CSNK1G3: variants seen among roughly 807,000 people sequenced by gnomAD.
CSNK1G3 encodes casein kinase I isoform gamma-3.
Under a neutral mutation model 64.3 loss-of-function variants are expected in CSNK1G3, and 23 were observed. The observed-to-expected ratio is 0.36, with a 90% CI of 0.26 to 0.51. The LOEUF is 0.51. CSNK1G3 is among the 20% of genes least tolerant of loss of function. The probability of loss-of-function intolerance (pLI) is 0.96; values close to 1 mark genes in which losing one functional copy is unlikely to be tolerated. For missense variants in CSNK1G3, 357 were observed against 510.5 expected (o/e 0.70, Z 2.90); for synonymous variants, 158 against 162.2 (o/e 0.97, Z 0.20).
At chr5:123,572,059 T>C (rs77442454) in intron 4 of CSNK1G3, among the ~76,000 whole-genome samples, 34,361 of 152,160 alleles carry the variant, frequency 0.23, 4,139 homozygotes, top group African/African-American at 0.29. Flanking sequence ...GGCCTCAGTC[T>C]GAAGTTGGAC....
chr5:123,588,034 G>A (rs760276369), intron 6 of CSNK1G3, 34 bp from the exon 7 acceptor site: 1 of 1,378,438 alleles, frequency 7.3e-7, no homozygotes, highest in Admixed American at 2.2e-5. Flanking sequence ...AACTGTTAGA[G>A]AAAAGTGAAA....
At chr5:123,607,073 C>T (rs1430052863) in intron 12 of CSNK1G3, among the ~76,000 whole-genome samples, 1 of 152,030 alleles carries the variant, frequency 6.6e-6, no homozygotes, top group Non-Finnish European at 1.5e-5. Context: ...GTTTGGGTCC[C>T]TATCTGTAGA....
intron 4 of CSNK1G3, among the ~76,000 whole-genome samples, chr5:123,565,131 A>G (rs1018850223): frequency 6.6e-6 from 1 of 152,222 alleles, no homozygotes; most frequent in Non-Finnish European, 1.5e-5. Flanking sequence ...GAAAAGTAAC[A>G]TTGTTCTACA....
intron 10 of CSNK1G3, among the ~76,000 whole-genome samples, chr5:123,598,224 T>A (rs556575774): frequency 8.0e-4 from 122 of 152,262 alleles, no homozygotes; most frequent in African/African-American, 2.7e-3. Context: ...TTAGAATCAT[T>A]GGTAGTAATA....
intron 5 of CSNK1G3, among the ~76,000 whole-genome samples, chr5:123,574,400 C>A (rs767915336): frequency 7.9e-5 from 12 of 152,058 alleles, no homozygotes; most frequent in Non-Finnish European, 1.5e-4. Flanking sequence ...GTACTTAAAG[C>A]TTTATATGAA....
At chr5:123,575,507 A>G (rs1281529520) in intron 5 of CSNK1G3, among the ~76,000 whole-genome samples, 1 of 152,208 alleles carries the variant, frequency 6.6e-6, no homozygotes, top group Non-Finnish European at 1.5e-5. Flanking sequence ...ATAAAATTCA[A>G]ATACTCTCGT....
intron 1 of CSNK1G3, among the ~76,000 whole-genome samples, chr5:123,541,099 G>T (rs1376880406): frequency 6.6e-6 from 1 of 152,130 alleles, no homozygotes; most frequent in Non-Finnish European, 1.5e-5. Context: ...GTATTATCTA[G>T]ATCTACCATA....
At chr5:123,569,307 T>C (rs1289887510) in intron 4 of CSNK1G3, among the ~76,000 whole-genome samples, 1 of 152,264 alleles carries the variant, frequency 6.6e-6, no homozygotes, top group Non-Finnish European at 1.5e-5. Flanking sequence ...CAGTCTTGAC[T>C]AATTAATTTT....
At chr5:123,561,334 A>T (rs1048243188) in intron 4 of CSNK1G3, among the ~76,000 whole-genome samples, 5 of 152,248 alleles carry the variant, frequency 3.3e-5, no homozygotes, top group African/African-American at 1.2e-4. Context: ...GAAATGGATG[A>T]GATCTCCCTG....
intron 6 of CSNK1G3, among the ~76,000 whole-genome samples, chr5:123,581,948 T>G (rs1225848724): frequency 3.9e-5 from 6 of 152,064 alleles, no homozygotes; most frequent in African/African-American, 7.2e-5. Flanking sequence ...TGGCTTTGTC[T>G]TCTCATGTCT....
chr5:123,589,835 T>C (rs77125339), intron 8 of CSNK1G3, among the ~76,000 whole-genome samples: 1,541 of 152,254 alleles, frequency 0.01, 33 homozygotes, highest in African/African-American at 0.035. Context: ...AGAGAAGACT[T>C]ACACTGTCCT....
In CSNK1G3 at chr5:123,605,295, T is replaced by C. The variant is rs559066992; in HGVS notation, c.1194-44T>C. ...TGTGAGCTGTTTCTGATTCTCTCTC[T>C]CTCTTTTTTTTCCTTGTATTTTTTT... On this transcript the variant is annotated intron_variant, in intron 11 of 12. Coordinates refer to ENST00000345990, the Ensembl canonical transcript of CSNK1G3. The C allele has an allele frequency of 8.4e-6, 13 of 1,543,718 alleles. No individual in the cohort carries two copies. In the Admixed American group the frequency reaches 2.4e-4, roughly 28 times the overall value.
At chr5:123,600,895 C>A (rs1319128469) in intron 10 of CSNK1G3, among the ~76,000 whole-genome samples, 1 of 146,626 alleles carries the variant, frequency 6.8e-6, no homozygotes, top group Non-Finnish European at 1.5e-5. Flanking sequence ...AAACTGGAGT[C>A]TAGTTGCCTT....
intron 1 of CSNK1G3, among the ~76,000 whole-genome samples, chr5:123,524,690 G>A (rs112815547): frequency 3.9e-5 from 6 of 151,992 alleles, no homozygotes; most frequent in African/African-American, 4.8e-5. Context: ...TATAGTTATC[G>A]TATTCTGTAT....
exon 8 of CSNK1G3, chr5:123,588,490 G>C: frequency 6.2e-7 from 1 of 1,610,670 alleles, no homozygotes; most frequent in Non-Finnish European, 8.5e-7. Flanking sequence ...ACCAATAGAA[G>C]TGTTATGTGA....
intron 1 of CSNK1G3, among the ~76,000 whole-genome samples, chr5:123,530,621 T>C (rs186674210): frequency 6.4e-4 from 97 of 152,314 alleles, no homozygotes; most frequent in Non-Finnish European, 7.8e-4. Context: ...GGCCCATTAA[T>C]GGGCCCTGAT....
At chr5:123,575,565 G>C (rs983191281) in intron 5 of CSNK1G3, among the ~76,000 whole-genome samples, 164 bp from the exon 6 acceptor site, 7 of 152,180 alleles carry the variant, frequency 4.6e-5, no homozygotes, top group African/African-American at 1.7e-4. Flanking sequence ...ATTGCAATTT[G>C]CTATGTGAAG....
At chr5:123,579,390 C>G (rs1490897050) in intron 6 of CSNK1G3, among the ~76,000 whole-genome samples, 1 of 151,046 alleles carries the variant, frequency 6.6e-6, no homozygotes, top group East Asian at 1.9e-4. Context: ...CTTTCAATAG[C>G]TGACTTTCCT....
At chr5:123,539,205 T>C (rs1415168657) in intron 1 of CSNK1G3, among the ~76,000 whole-genome samples, 1 of 152,138 alleles carries the variant, frequency 6.6e-6, no homozygotes, top group African/African-American at 2.4e-5. Flanking sequence ...TGCCAGCACT[T>C]TGAGAGGCTG....
Sources: allele counts gnomAD v4.1 joint callset (sites outside exome capture counted in the v4.1 genomes callset), GRCh38; gene constraint gnomAD v4.1.1; transcripts MANE v1.5; gene names NCBI Gene and HGNC (gene_info 2026-07-23, HGNC 2026-07-21).